PCDH15: variants seen among roughly 807,000 people sequenced by gnomAD.
PCDH15 encodes the protein protocadherin-15.
PCDH15 carries 129 observed loss-of-function variants against 178.5 expected under a neutral mutation model. That is an observed-to-expected ratio of 0.72 (90% confidence interval 0.63 to 0.84). PCDH15 has a LOEUF of 0.84. Among genes scored for constraint, PCDH15 ranks in the 40% least tolerant of loss-of-function variants. The pLI is 0.00. For missense variants in PCDH15, 2,230 were observed against 2,099.9 expected (o/e 1.06, Z -1.21); for synonymous variants, 800 against 732.0 (o/e 1.09, Z -1.50).
intron 31 of PCDH15, among the ~76,000 whole-genome samples, chr10:53,828,222 A>G (rs936073120): frequency 7.2e-5 from 10 of 138,878 alleles, no homozygotes; most frequent in East Asian, 4.9e-4. Flanking sequence ...AAAAAAAAAA[A>G]AAAAAAAAAA....
At chr10:54,967,778 G>C (rs1838829004) in intron 2 of PCDH15, among the ~76,000 whole-genome samples, 1 of 152,132 alleles carries the variant, frequency 6.6e-6, no homozygotes, top group Non-Finnish European at 1.5e-5. Flanking sequence ...CTGGAGTCTA[G>C]AAGCTCAAGA....
chr10:55,263,573 G>A lies in PCDH15; in HGVS notation c.-156+56026C>T, dbSNP rs74139505. ...CCTGGTGGTAGCCACAACCCCAAAG[G>A]GCCAATAGACGGGCTCTTCTCACCC... On this transcript the variant is annotated intron_variant, in intron 1 of 5. Transcript: ENST00000458638. Among the ~76,000 whole-genome samples the A allele has an allele frequency of 3.8e-3, 573 of 152,064 alleles. 3 individuals are homozygous for A. The highest frequency in any genetic ancestry group is 0.013 in the African/African-American group (556 of 41,458).
chr10:54,973,789 T>C (rs545148868), intron 2 of PCDH15, among the ~76,000 whole-genome samples: 4 of 152,070 alleles, frequency 2.6e-5, no homozygotes, highest in African/African-American at 9.7e-5. Context: ...TATCATGGAA[T>C]AAATAACCCA....
intron 1 of PCDH15, among the ~76,000 whole-genome samples, chr10:54,718,889 G>A (rs1390986461): frequency 1.3e-5 from 2 of 151,484 alleles, no homozygotes; most frequent in Non-Finnish European, 2.9e-5. Context: ...TAGAGACGGG[G>A]TTTCACTATG....
At chr10:53,823,392 A>C in intron 32 of PCDH15, 1 of 1,587,326 alleles carries the variant, frequency 6.3e-7, no homozygotes, top group African/African-American at 1.3e-5. Flanking sequence ...AATGTAAGGA[A>C]ACAAGTTGTG....
At chr10:54,504,177 G>A (rs1341091371) in intron 3 of PCDH15, among the ~76,000 whole-genome samples, 2 of 152,118 alleles carry the variant, frequency 1.3e-5, no homozygotes, top group African/African-American at 4.8e-5. Context: ...TTTCTTGGAT[G>A]TGACTTGGCA....
intron 1 of PCDH15, among the ~76,000 whole-genome samples, chr10:55,290,104 T>C (rs1842970451): frequency 6.6e-6 from 1 of 151,876 alleles, no homozygotes; most frequent in African/African-American, 2.4e-5. Flanking sequence ...TATTTTGTTA[T>C]AGCAACAGAA....
At chr10:54,460,155 G>C (rs1409384477) in intron 3 of PCDH15, among the ~76,000 whole-genome samples, 1 of 152,008 alleles carries the variant, frequency 6.6e-6, no homozygotes, top group Non-Finnish European at 1.5e-5. Context: ...AGTCCACTAA[G>C]ATATTCATAA....
At chr10:54,207,929 T>A (rs1213996036) in intron 10 of PCDH15, among the ~76,000 whole-genome samples, 1 of 152,068 alleles carries the variant, frequency 6.6e-6, no homozygotes, top group East Asian at 1.9e-4. Flanking sequence ...GCATTAGTGA[T>A]CTTATATAGA....
intron 2 of PCDH15, among the ~76,000 whole-genome samples, chr10:55,436,775 A>T (rs980480970): frequency 9.9e-5 from 15 of 152,216 alleles, no homozygotes; most frequent in African/African-American, 3.1e-4. Flanking sequence ...ATTTCTTTTC[A>T]GTTAGGTATA....
intron 2 of PCDH15, among the ~76,000 whole-genome samples, chr10:55,152,746 G>T (rs1158824739): frequency 1.3e-5 from 2 of 152,032 alleles, no homozygotes; most frequent in African/African-American, 2.4e-5. Flanking sequence ...TATTTAAAAA[G>T]AAATTTACAT....
chr10:54,412,237 C>T (rs966167539), intron 3 of PCDH15, among the ~76,000 whole-genome samples: 1 of 149,054 alleles, frequency 6.7e-6, no homozygotes, highest in South Asian at 2.1e-4. Flanking sequence ...TATACATCTT[C>T]TTAAATATAT....
chr10:54,735,487 A>G (rs1273844591), intron 1 of PCDH15, among the ~76,000 whole-genome samples: 1 of 150,746 alleles, frequency 6.6e-6, no homozygotes, highest in East Asian at 2.0e-4. Context: ...AACTAGAAAT[A>G]CCATTTGACC....
intron 2 of PCDH15, among the ~76,000 whole-genome samples, chr10:55,076,619 A>C (rs150977330): frequency 7.9e-4 from 119 of 151,180 alleles, no homozygotes; most frequent in Non-Finnish European, 1.2e-3. Context: ...AATTATTATT[A>C]TTATTATTTT....
At chr10:55,378,488 C>A (rs1481691776) in intron 2 of PCDH15, among the ~76,000 whole-genome samples, 1 of 152,076 alleles carries the variant, frequency 6.6e-6, no homozygotes, top group Non-Finnish European at 1.5e-5. Flanking sequence ...ACATTTGAAG[C>A]ATTATTCACT....
At chr10:54,253,118 T>C (rs2384423) in intron 8 of PCDH15, among the ~76,000 whole-genome samples, 103,398 of 151,836 alleles carry the variant, frequency 0.68, 36,061 homozygotes, top group Middle Eastern at 0.76. Flanking sequence ...GTAAATTCGA[T>C]TGAGGATTGG....
intron 2 of PCDH15, among the ~76,000 whole-genome samples, chr10:55,610,734 C>A (rs1428641804): frequency 1.3e-5 from 2 of 152,006 alleles, no homozygotes; most frequent in African/African-American, 2.4e-5. Flanking sequence ...TTCAATTATA[C>A]CCCCAGAGTC....
intron 2 of PCDH15, among the ~76,000 whole-genome samples, chr10:55,115,647 C>T (rs1375304013): frequency 6.6e-6 from 1 of 152,122 alleles, no homozygotes; most frequent in Non-Finnish European, 1.5e-5. Context: ...CTGTATAAAG[C>T]CTTCCTGACA....
chr10:54,601,254 T>C (rs1049264059), intron 2 of PCDH15, among the ~76,000 whole-genome samples: 18 of 152,010 alleles, frequency 1.2e-4, no homozygotes, highest in Admixed American at 6.6e-5. Flanking sequence ...ACCAATAGAA[T>C]GGGAGAAATT....
Sources: gnomAD v4.1 joint callset for allele counts (sites outside exome capture counted in the v4.1 genomes callset) on GRCh38, gnomAD v4.1.1 for gene constraint, MANE v1.5 for transcripts, NCBI Gene and HGNC (gene_info 2026-07-23, HGNC 2026-07-21) for gene names.